The following SKOR2 variants were observed in gnomAD, a reference collection of about 807,000 sequenced individuals.
SKOR2 encodes LBX1 corepressor 1-like protein.
A neutral mutation model predicts 69.1 loss-of-function variants in SKOR2; 47 were observed. The observed-to-expected ratio is 0.68, with a 90% CI of 0.54 to 0.87. The LOEUF (loss-of-function observed/expected upper bound fraction) is 0.87. SKOR2 is among the 40% of genes least tolerant of loss of function. SKOR2 has a pLI of 0.00. For synonymous variants in SKOR2, 717 were observed against 672.6 expected (o/e 1.07, Z -1.02); for missense variants, 1,404 against 1,472.2 (o/e 0.95, Z 0.76).
In SKOR2 at chr18:47,246,626, C is replaced by A. The variant is rs2144514377; in HGVS notation, c.2558G>T (p.Ser853Ile). The change falls in exon 2 of 9, where the codon AGC (serine) becomes ATC (isoleucine). Residue 853 changes from serine (S) to isoleucine (I), a missense_variant. By Grantham distance (142) the Ser-to-Ile change is moderately radical. Transcript: ENST00000425639. ...PQKASGGGSSSPGSPVHHPSL... is the reference protein window; with the variant it reads ...PQKASGGGSSIPGSPVHHPSL... ...TGGATGGTGAACTGGGCTGCCCGGGCTGCTGCTGCCGCCGCCACTCGCCTT... is the reference window on the plus strand; with the variant it reads ...TGGATGGTGAACTGGGCTGCCCGGGATGCTGCTGCCGCCGCCACTCGCCTT... 1 of 1,521,608 alleles carries A rather than the reference C, an allele frequency of 6.6e-7. No individual in the cohort carries two copies. The highest frequency in any genetic ancestry group is 8.8e-7 in the Non-Finnish European group (1 of 1,141,112). 94.3% of individuals were successfully genotyped at this position (1,521,608 alleles called of 1,614,324 possible).
rs1432017635 is a variant in SKOR2 at position 47,247,797 on chromosome 18, A to G, written c.1387T>C (p.Phe463Leu). 7.2e-6 allele frequency: 10 copies of G among 1,398,450 alleles called. 1 individual carries two copies. The South Asian group carries it at 1.6e-4, about 22-fold the overall frequency. The allele number at this position is 1,398,450 out of a possible 1,614,324, so 86.6% of individuals were successfully genotyped here. A position where few individuals can be genotyped will look rare whatever the true frequency, so the allele number is the denominator to read the frequency against. ...CAGAACATGCAGAAGGGCGGATAGA[A>G]GGCGTCCTTGCGGCCCGCGGGCCAG... is the stretch of plus-strand genomic sequence containing the variant. ...LFWPAGRKDA[F>L]YPPFCMFWPP... The change falls in exon 2 of 9, where the codon TTC becomes CTC. Residue 463 changes from phenylalanine to leucine, a missense_variant. Coordinates refer to ENST00000425639, the MANE Select transcript of SKOR2 (RefSeq NM_001278063.4). This position sits in a 1 kb window ranked among gnomAD's most constrained non-coding sequence, Gnocchi z 6.6.
chr18:47,248,908 C>A lies in SKOR2; in HGVS notation c.276G>T (p.Val92=). 1 of 1,571,412 alleles carries A rather than the reference C, an allele frequency of 6.4e-7. No homozygotes were observed. Among genetic ancestry groups the A allele is most frequent in the Non-Finnish European group, 8.6e-7 (1 of 1,165,980 alleles). The change falls in exon 2 of 9, where the codon GTG becomes GTT. Residue 92 remains valine, a synonymous_variant. Coordinates refer to ENST00000425639, the MANE Select transcript of SKOR2 (RefSeq NM_001278063.4). The surrounding 1 kb of genome is among the most constrained non-coding windows in gnomAD (Gnocchi z 6.4). ...TCTCCAGTTGCACCGGCGTGCACTG[C>A]ACACACGTGATGCCCAGTGCCACGC... ...NRRVALGITC[V]QCTPVQLEIL...
intron 2 of SKOR2, among the ~76,000 whole-genome samples, chr18:47,245,832 A>G (rs1327134525): frequency 1.3e-5 from 2 of 151,776 alleles, no homozygotes; most frequent in South Asian, 2.1e-4. Flanking sequence ...TCTGTAAATA[A>G]ACACACCATG....
chr18:47,246,735 A>G lies in SKOR2; in HGVS notation c.2449T>C (p.Ser817Pro). 7.0e-7 allele frequency: 1 copy of G among 1,431,512 alleles called. No homozygotes were observed. Among genetic ancestry groups the G allele is most frequent in the African/African-American group, 1.5e-5 (1 of 65,624 alleles). 88.7% of individuals were successfully genotyped at this position (1,431,512 alleles called of 1,614,324 possible). Residue 817 changes from serine to proline, a missense_variant, in exon 2 of 9, where the codon TCC (serine) becomes CCC (proline). Ser to Pro is a moderately conservative substitution (Grantham distance 74, BLOSUM62 -1). Around this residue, in one of 3 missense-constraint regions of SKOR2, gnomAD observed 1,266 missense variants for 1,309.9 expected, o/e 0.97. Coordinates refer to ENST00000425639, the MANE Select transcript of SKOR2 (RefSeq NM_001278063.4). Reference protein sequence around the residue: ...AGAFPLGLNSSRLLQEDGKLG... With the variant: ...AGAFPLGLNSPRLLQEDGKLG... ...TTCCCGTCTTCCTGCAGCAGCCTGG[A>G]GGAGTTCAGGCCGAGCGGGAACGCG... is the stretch of plus-strand genomic sequence containing the variant.
intron 4 of SKOR2, chr18:47,231,209 C>A: frequency 6.5e-7 from 1 of 1,530,506 alleles, no homozygotes; most frequent in African/African-American, 1.4e-5. Context: ...CAGAGCCTGC[C>A]TGGCCTGTGA....
rs1468429386 is a variant in SKOR2 at position 47,247,192 on chromosome 18, G to A, written c.1992C>T (p.His664=). 7.3e-7 allele frequency: 1 copy of A among 1,365,852 alleles called. No homozygotes were observed. Among genetic ancestry groups the A allele is most frequent in the Non-Finnish European group, 9.4e-7 (1 of 1,060,754 alleles). The allele number at this position is 1,365,852 out of a possible 1,614,324, so 84.6% of individuals were successfully genotyped here. ...GCGGCTGCGGGGGGTGGTGGTGGTGGTGGTGGTGGTGAGGGTGGTGATGGT... is the reference window on the plus strand; with the variant it reads ...GCGGCTGCGGGGGGTGGTGGTGGTGATGGTGGTGGTGAGGGTGGTGATGGT... ...PHHHHHPHHH[H]HHHHPPQPPS... The change falls in exon 2 of 9, where the codon CAC becomes CAT. Residue 664 remains histidine (H), a synonymous_variant. Coordinates refer to ENST00000425639, the MANE Select transcript of SKOR2 (RefSeq NM_001278063.4). The surrounding 1 kb of genome is among the most constrained non-coding windows in gnomAD (Gnocchi z 6.6).
At chr18:47,244,841 G>T in intron 4 of SKOR2, 67 bp downstream of exon 4, 1 of 1,391,740 alleles carries the variant, frequency 7.2e-7, no homozygotes, top group Non-Finnish European at 9.7e-7. Context: ...TCAGTCTTTT[G>T]ATTATGAATT....
intron 6 of SKOR2, among the ~76,000 whole-genome samples, chr18:47,224,639 G>A (rs532317853): frequency 1.3e-5 from 2 of 149,560 alleles, no homozygotes; most frequent in Non-Finnish European, 3.0e-5. Flanking sequence ...TTTTGAGACA[G>A]GGTCTTGCTC....
At chr18:47,250,902 A>G (rs1181384817) in intron 1 of SKOR2, among the ~76,000 whole-genome samples, 2 of 152,078 alleles carry the variant, frequency 1.3e-5, no homozygotes, top group African/African-American at 4.8e-5. Flanking sequence ...CTACCAAACA[A>G]GATTCATATC....
chr18:47,249,187 C>T lies in SKOR2; in HGVS notation c.-4G>A, dbSNP rs1568092435. The T allele has an allele frequency of 2.0e-6, 3 of 1,533,506 alleles. No homozygotes were observed. Among genetic ancestry groups the T allele is most frequent in the Admixed American group, 2.0e-5 (1 of 50,862 alleles). The allele number at this position is 1,533,506 out of a possible 1,614,324, so 95.0% of individuals were successfully genotyped here. ...CTGGCAGCGGACTGGAAGCCATCTC[C>T]GCCGCAGAACCCCGGGCCGAGCCCT... is the stretch of plus-strand genomic sequence containing the variant. On this transcript the variant is annotated 5_prime_UTR_variant, in exon 2 of 9. Coordinates refer to ENST00000425639, the MANE Select transcript of SKOR2 (RefSeq NM_001278063.4).
chr18:47,231,138 G>C, intron 4 of SKOR2, 138 bp from the exon 5 acceptor site: 1 of 1,535,998 alleles, frequency 6.5e-7, no homozygotes, highest in South Asian at 1.2e-5. Flanking sequence ...ACCAAATGTT[G>C]TCCTCATTTA....
At chr18:47,220,082 A>G in intron 6 of SKOR2, 72 bp from the exon 7 acceptor site, 1 of 1,333,524 alleles carries the variant, frequency 7.5e-7, no homozygotes, top group Non-Finnish European at 1.0e-6. Context: ...TAGTAAAAAC[A>G]TTATTGACAG....
intron 4 of SKOR2, among the ~76,000 whole-genome samples, chr18:47,235,682 T>G (rs1008018640): frequency 6.8e-6 from 1 of 146,940 alleles, no homozygotes; most frequent in African/African-American, 2.5e-5. Context: ...AAACTGGAAG[T>G]ATGAGAAAGA....
chr18:47,244,661 C>G (rs1023850313), intron 4 of SKOR2, among the ~76,000 whole-genome samples: 2 of 152,112 alleles, frequency 1.3e-5, no homozygotes, highest in Admixed American at 6.5e-5. Context: ...TCATTTTATG[C>G]TTTTCCAGCC....
intron 6 of SKOR2, among the ~76,000 whole-genome samples, chr18:47,224,493 A>C (rs550002079): frequency 1.6e-4 from 25 of 152,184 alleles, no homozygotes; most frequent in Non-Finnish European, 2.9e-4. Context: ...AAGAAGACAA[A>C]CCCATAGGGT....
intron 4 of SKOR2, among the ~76,000 whole-genome samples, chr18:47,241,308 T>G (rs1056226270): frequency 6.6e-6 from 1 of 152,192 alleles, no homozygotes; most frequent in South Asian, 2.1e-4. Flanking sequence ...GATAAAACAT[T>G]TGGCTGCTAC....
intron 4 of SKOR2, among the ~76,000 whole-genome samples, chr18:47,235,804 G>T (rs1004165467): frequency 9.2e-6 from 1 of 108,872 alleles, no homozygotes. Context: ...AAAAAAAACA[G>T]CCAACAGATT....
chr18:47,236,544 G>A (rs555092343), intron 4 of SKOR2, among the ~76,000 whole-genome samples: 1 of 152,290 alleles, frequency 6.6e-6, no homozygotes, highest in South Asian at 2.1e-4. Flanking sequence ...AGGTGATTAG[G>A]CCAGGAGGGC....
intron 4 of SKOR2, 43 bp from the exon 5 acceptor site, chr18:47,231,043 T>C: frequency 1.3e-6 from 2 of 1,534,966 alleles, no homozygotes; most frequent in Non-Finnish European, 1.7e-6. Flanking sequence ...TTGTGTAGGC[T>C]AGTTCTGTAA....
Sources: allele counts gnomAD v4.1 joint callset (sites outside exome capture counted in the v4.1 genomes callset), GRCh38; gene constraint gnomAD v4.1.1; regional missense constraint gnomAD v4.1.1; non-coding constraint Gnocchi (gnomAD v3.1); transcripts MANE v1.5; gene names NCBI Gene and HGNC (gene_info 2026-07-23, HGNC 2026-07-21).